PDE3A: variants seen among roughly 807,000 people sequenced by gnomAD.
PDE3A encodes phosphodiesterase 3A.
Under a neutral mutation model 98.3 loss-of-function variants are expected in PDE3A, and 43 were observed. The ratio of observed to expected loss-of-function variants is 0.44; its 90% CI spans 0.34 to 0.56. The LOEUF (loss-of-function observed/expected upper bound fraction) is 0.56, where lower values mean the gene tolerates loss of function less well. Among genes scored for constraint, PDE3A ranks in the 20% least tolerant of loss-of-function variants. The pLI is 0.01. For synonymous variants in PDE3A, 663 were observed against 567.9 expected (o/e 1.17, Z -2.38); for missense variants, 1,427 against 1,440.7 (o/e 0.99, Z 0.15).
intron 1 of PDE3A, among the ~76,000 whole-genome samples, chr12:20,475,622 C>T (rs1033781528): frequency 1.3e-5 from 2 of 151,916 alleles, no homozygotes; most frequent in African/African-American, 4.8e-5. Context: ...CCCAGCTACT[C>T]GAGAGGCTGA....
intron 1 of PDE3A, among the ~76,000 whole-genome samples, chr12:20,446,490 G>T (rs1006430992): frequency 6.6e-6 from 1 of 152,116 alleles, no homozygotes; most frequent in Non-Finnish European, 1.5e-5. Flanking sequence ...AAGGAAGGTC[G>T]GGAACAAGGT....
chr12:20,452,484 C>A (rs986557450), intron 1 of PDE3A, among the ~76,000 whole-genome samples: 1 of 152,192 alleles, frequency 6.6e-6, no homozygotes. Context: ...TCATCCTCTT[C>A]TCCTTTTTCA....
intron 1 of PDE3A, among the ~76,000 whole-genome samples, chr12:20,492,963 G>T (rs370171852): frequency 1.3e-5 from 2 of 152,052 alleles, no homozygotes; most frequent in South Asian, 2.1e-4. Flanking sequence ...TTGCTAGCAA[G>T]GCACTGTGTT....
At chr12:20,423,697 C>T (rs572691383) in intron 1 of PDE3A, among the ~76,000 whole-genome samples, 141 of 152,168 alleles carry the variant, frequency 9.3e-4, no homozygotes, top group African/African-American at 3.2e-3. Flanking sequence ...CTTATACCAC[C>T]GGTATTACCG....
intron 12 of PDE3A, 46 bp from the exon 13 acceptor site, chr12:20,648,642 A>T (rs1183227547): frequency 1.7e-6 from 2 of 1,207,826 alleles, no homozygotes; most frequent in Admixed American, 1.7e-5. Flanking sequence ...GATTTTTGTG[A>T]TTATTTTCTT....
At chr12:20,635,117 T>A (rs1944471221) in intron 8 of PDE3A, 61 bp downstream of exon 8, 1 of 1,464,314 alleles carries the variant, frequency 6.8e-7, no homozygotes, top group African/African-American at 1.4e-5. Flanking sequence ...TTACAGATAT[T>A]GGCTCAGAAA....
chr12:20,535,139 G>C (rs1023105131), intron 1 of PDE3A, among the ~76,000 whole-genome samples: 1 of 152,134 alleles, frequency 6.6e-6, no homozygotes. Flanking sequence ...TGAAGTGTCT[G>C]ATGTCTCCTC....
intron 2 of PDE3A, among the ~76,000 whole-genome samples, chr12:20,567,917 AAG>A (rs370953138): frequency 1.4e-3 from 212 of 152,142 alleles, no homozygotes; most frequent in African/African-American, 5.0e-3. Flanking sequence ...GGAAAAAGAC[AAG>A]AGAGGAAAAA....
At position 20,392,195 on chromosome 12, in the gene PDE3A, C is replaced by T. The variant is rs75178984; in HGVS notation, c.960+21951C>T. 3.3e-3 allele frequency among the ~76,000 whole-genome samples: 502 copies of T among 152,018 alleles called. 4 individuals are homozygous for T. In the East Asian group the frequency reaches 0.035, roughly 11 times the overall value. On this transcript the variant is annotated intron_variant, in intron 1 of 15. Transcript: ENST00000359062. ...GTCCTGTGCCTTTGGTACTTTAGAC[C>T]TTCTGTTTTTGTTTGGTCCCAATGC... is the stretch of plus-strand genomic sequence containing the variant.
chr12:20,453,403 C>T (rs1945101234), intron 1 of PDE3A, among the ~76,000 whole-genome samples: 1 of 152,016 alleles, frequency 6.6e-6, no homozygotes, highest in Admixed American at 6.6e-5. Context: ...TGGTCTCAAA[C>T]TCCTGACCTC....
chr12:20,571,211 A>G (rs1592068151), intron 2 of PDE3A, among the ~76,000 whole-genome samples: 1 of 152,288 alleles, frequency 6.6e-6, no homozygotes, highest in East Asian at 1.9e-4. Context: ...TCTCAGTCAT[A>G]TATTCATTAG....
chr12:20,536,270 T>C (rs1941745553), intron 1 of PDE3A, among the ~76,000 whole-genome samples: 1 of 152,126 alleles, frequency 6.6e-6, no homozygotes. Context: ...TTAACAGTGC[T>C]TCTCAAATTT....
chr12:20,547,028 C>T (rs1388017131), intron 1 of PDE3A, among the ~76,000 whole-genome samples: 1 of 152,032 alleles, frequency 6.6e-6, no homozygotes, highest in Non-Finnish European at 1.5e-5. Context: ...CATAGAGATG[C>T]TTTGCTGCTC....
intron 1 of PDE3A, among the ~76,000 whole-genome samples, chr12:20,487,664 A>T (rs924060034): frequency 5.3e-4 from 69 of 129,994 alleles, no homozygotes; most frequent in East Asian, 2.5e-3. Context: ...AGAAAAAAAA[A>T]TAAATAAATA....
rs558634647 is a variant in PDE3A at position 20,581,550 on chromosome 12, TACG to T, written c.1011+24843_1011+24845del. ...GATGTATTTTCAACATTATAGACGT[TACG>T]ACTTTTTCTTTGTTTGAAATTGAGC... is the stretch of plus-strand genomic sequence containing the variant. On this transcript the variant is annotated intron_variant, in intron 2 of 15. Coordinates refer to ENST00000359062, the MANE Select transcript of PDE3A (RefSeq NM_000921.5). Among the ~76,000 whole-genome samples, 36 of 152,234 alleles carry T rather than the reference TACG, an allele frequency of 2.4e-4. No individual in the cohort carries two copies. In the Middle Eastern group the frequency reaches 0.02, roughly 86 times the overall value.
chr12:20,644,450 C>CT (rs1216926662), intron 10 of PDE3A, among the ~76,000 whole-genome samples: 2 of 152,078 alleles, frequency 1.3e-5, no homozygotes, highest in Non-Finnish European at 2.9e-5. Flanking sequence ...ATAAATAAGA[C>CT]TTTTTACTCT....
At chr12:20,444,744 C>T (rs1478982333) in intron 1 of PDE3A, among the ~76,000 whole-genome samples, 3 of 152,102 alleles carry the variant, frequency 2.0e-5, no homozygotes, top group Non-Finnish European at 4.4e-5. Flanking sequence ...GGATGAAATA[C>T]CAGTGCATGC....
At chr12:20,463,080 A>G (rs1332107996) in intron 1 of PDE3A, among the ~76,000 whole-genome samples, 9 of 151,934 alleles carry the variant, frequency 5.9e-5, no homozygotes, top group Admixed American at 5.9e-4. Context: ...GCAAATCTAT[A>G]CTCTTGATTA....
chr12:20,645,307 G>A (rs1944751847), intron 10 of PDE3A, among the ~76,000 whole-genome samples: 1 of 152,206 alleles, frequency 6.6e-6, no homozygotes, highest in Non-Finnish European at 1.5e-5. Flanking sequence ...CTTAAAGACT[G>A]ATTCCTAATG....
Sources: gnomAD v4.1 joint callset for allele counts (sites outside exome capture counted in the v4.1 genomes callset) on GRCh38, gnomAD v4.1.1 for gene constraint, MANE v1.5 for transcripts, NCBI Gene and HGNC (gene_info 2026-07-23, HGNC 2026-07-21) for gene names.